Variants in SPAG17 observed in about 807,000 individuals in gnomAD.
SPAG17 encodes the protein sperm associated antigen 17.
A neutral mutation model predicts 273.6 loss-of-function variants in SPAG17; 169 were observed. That is an observed-to-expected ratio of 0.62 (90% CI 0.55 to 0.70). The LOEUF is 0.70. SPAG17 is among the 30% of genes least tolerant of loss of function. SPAG17 has a pLI of 0.00. For synonymous variants in SPAG17, 825 were observed against 873.2 expected (o/e 0.94, Z 0.97); for missense variants, 2,557 against 2,627.8 (o/e 0.97, Z 0.59).
At position 118,100,450 on chromosome 1, in the gene SPAG17, C is replaced by T. The variant is rs190404953; in HGVS notation, c.635-650G>A. Among the ~76,000 whole-genome samples, 3 of 152,122 alleles carry T rather than the reference C, an allele frequency of 2.0e-5. No individual in the cohort carries two copies. The East Asian group carries it at 5.8e-4, about 29-fold the overall frequency. On this transcript the variant is annotated intron_variant, in intron 5 of 48. Coordinates refer to ENST00000336338, the MANE Select transcript of SPAG17 (RefSeq NM_206996.4). ...TCTTATTTTAGAATGTGACATTCTG[C>T]AGGGTAAGAATAATTGTTATACTTT...
chr1:118,150,391 T>G (rs908757823), intron 3 of SPAG17, 152 bp downstream of exon 3: 12 of 420,282 alleles, frequency 2.9e-5, no homozygotes, highest in Non-Finnish European at 4.7e-5. Flanking sequence ...GGCAGATTTT[T>G]TTTGTGTGTG....
At chr1:117,972,482 C>T (rs1654672657) in intron 44 of SPAG17, among the ~76,000 whole-genome samples, 1 of 152,182 alleles carries the variant, frequency 6.6e-6, no homozygotes. Context: ...ATAACAAGTT[C>T]TTAGTGTTGG....
chr1:118,155,986 A>G (rs1458999560), intron 1 of SPAG17, among the ~76,000 whole-genome samples: 2 of 152,246 alleles, frequency 1.3e-5, no homozygotes, highest in African/African-American at 4.8e-5. Context: ...AAATAGGTTG[A>G]AAATGTATGT....
chr1:117,979,291 G>T (rs1281098163), intron 43 of SPAG17, among the ~76,000 whole-genome samples: 1 of 152,140 alleles, frequency 6.6e-6, no homozygotes, highest in Non-Finnish European at 1.5e-5. Flanking sequence ...AGCACCACTT[G>T]TGAACTCATC....
At chr1:117,956,460 C>CATCTTTATCCTA (rs1652209926) in intron 48 of SPAG17, among the ~76,000 whole-genome samples, 2 of 152,098 alleles carry the variant, frequency 1.3e-5, no homozygotes, top group African/African-American at 2.4e-5. Flanking sequence ...AACTTCACTA[C>CATCTTTATCCTA]AGGAATGTAA....
intron 3 of SPAG17, among the ~76,000 whole-genome samples, chr1:118,133,618 C>T (rs1658177411): frequency 6.6e-6 from 1 of 152,114 alleles, no homozygotes; most frequent in African/African-American, 2.4e-5. Flanking sequence ...CTCAGACTTC[C>T]TCATCTGGGA....
intron 7 of SPAG17, among the ~76,000 whole-genome samples, chr1:118,093,990 T>C (rs1011880044): frequency 1.3e-5 from 2 of 152,218 alleles, no homozygotes; most frequent in African/African-American, 4.8e-5. Context: ...AGGAAAGCAT[T>C]GTGATGGCTG....
At position 118,086,999 on chromosome 1, in the gene SPAG17, T is replaced by C. The variant is rs369719047; in HGVS notation, c.1369A>G (p.Thr457Ala). 3 of 1,565,180 alleles carry C rather than the reference T, an allele frequency of 1.9e-6. No individual in the cohort carries two copies. Among genetic ancestry groups the C allele is most frequent in the South Asian group, 1.2e-5 (1 of 84,136 alleles). The change falls in exon 11 of 49, where the codon ACT becomes GCT. Residue 457 changes from threonine (T) to alanine (A), a missense_variant. Thr to Ala is a moderately conservative substitution (Grantham distance 58). Transcript: ENST00000336338. ...LHCMLEQVVA[T>A]EEDLVPPSLR... Reference sequence around the variant, plus strand: ...CTGGGTGGGACGAGATCTTCTTCAGTTGCAACAACCTGTTGAAATCAACAA... The same window carrying C: ...CTGGGTGGGACGAGATCTTCTTCAGCTGCAACAACCTGTTGAAATCAACAA...
At chr1:118,184,929 C>T in intron 1 of SPAG17, 142 bp downstream of exon 1, 4 of 715,238 alleles carry the variant, frequency 5.6e-6, no homozygotes, top group Non-Finnish European at 7.2e-6. Flanking sequence ...CACTTCCTGT[C>T]CCTGGGACCC....
At chr1:118,025,650 CCT>C (rs1557923858) in intron 26 of SPAG17, among the ~76,000 whole-genome samples, 1 of 152,012 alleles carries the variant, frequency 6.6e-6, no homozygotes, top group Non-Finnish European at 1.5e-5. Context: ...ACCACAACAC[CCT>C]GTTAAGTTTT....
intron 24 of SPAG17, among the ~76,000 whole-genome samples, chr1:118,032,127 A>G (rs547909879): frequency 6.6e-6 from 1 of 152,288 alleles, no homozygotes; most frequent in African/African-American, 2.4e-5. Context: ...TCCCATCTAC[A>G]TTGTAAACTC....
At chr1:118,171,384 C>T (rs922834991) in intron 1 of SPAG17, among the ~76,000 whole-genome samples, 1 of 152,112 alleles carries the variant, frequency 6.6e-6, no homozygotes, top group African/African-American at 2.4e-5. Flanking sequence ...ATTTTCTGTA[C>T]TTTTTTGGAG....
chr1:118,174,792 C>G (rs1422022331), intron 1 of SPAG17, among the ~76,000 whole-genome samples: 1 of 152,008 alleles, frequency 6.6e-6, no homozygotes, highest in Non-Finnish European at 1.5e-5. Flanking sequence ...CCCTGCAGGC[C>G]AGAAGGCACT....
chr1:118,101,659 G>C, intron 5 of SPAG17, 81 bp downstream of exon 5: 1 of 1,383,144 alleles, frequency 7.2e-7, no homozygotes, highest in Non-Finnish European at 1.0e-6. Flanking sequence ...CTCTATGTGA[G>C]TCACCAAATT....
intron 1 of SPAG17, among the ~76,000 whole-genome samples, chr1:118,178,953 G>A (rs1360714105): frequency 1.3e-5 from 2 of 151,910 alleles, no homozygotes. Context: ...AGATTGAAGA[G>A]GATATACACC....
chr1:118,070,298 T>A (rs1367932623), intron 17 of SPAG17, among the ~76,000 whole-genome samples: 1 of 152,130 alleles, frequency 6.6e-6, no homozygotes, highest in African/African-American at 2.4e-5. Flanking sequence ...TGTGCAGAAA[T>A]ATAGAAAGTC....
chr1:117,953,958 G>A lies in SPAG17; in HGVS notation c.*92C>T, dbSNP rs1651783720. On this transcript the variant is annotated 3_prime_UTR_variant, in exon 49 of 49. Coordinates refer to ENST00000336338, the MANE Select transcript of SPAG17 (RefSeq NM_206996.4). Reference sequence around the variant, plus strand: ...AGTTCTTCCAGTTTCAGTGTCCTGGGATGATGGAGTATGTTGTGATGACTT... The same window carrying A: ...AGTTCTTCCAGTTTCAGTGTCCTGGAATGATGGAGTATGTTGTGATGACTT... The A allele has an allele frequency of 2.0e-6, 3 of 1,496,240 alleles. No individual in the cohort carries two copies. The highest frequency in any genetic ancestry group is 2.8e-6 in the Non-Finnish European group (3 of 1,090,670). The allele number at this position is 1,496,240 out of a possible 1,614,324, so 92.7% of individuals were successfully genotyped here. A position where few individuals can be genotyped will look rare whatever the true frequency, so the allele number is the denominator to read the frequency against.
At chr1:118,143,700 ATACAATC>A (rs141596967) in intron 3 of SPAG17, among the ~76,000 whole-genome samples, 36 of 152,324 alleles carry the variant, frequency 2.4e-4, no homozygotes, top group African/African-American at 8.4e-4. Context: ...AAACAGAATG[ATACAATC>A]TTCTTGATTC....
At chr1:118,171,907 T>A (rs1187753792) in intron 1 of SPAG17, among the ~76,000 whole-genome samples, 1 of 152,168 alleles carries the variant, frequency 6.6e-6, no homozygotes, top group Non-Finnish European at 1.5e-5. Flanking sequence ...AATCACTACA[T>A]GTCTTTGGAC....
Sources: allele counts gnomAD v4.1 joint callset (sites outside exome capture counted in the v4.1 genomes callset), GRCh38; gene constraint gnomAD v4.1.1; transcripts MANE v1.5; gene names NCBI Gene and HGNC (gene_info 2026-07-23, HGNC 2026-07-21).